The following ANO5 variants were observed in gnomAD, a reference collection of about 807,000 sequenced individuals.
The protein encoded by ANO5 is anoctamin 5, also known as anoctamin-5.
Under a neutral mutation model 121.0 loss-of-function variants are expected in ANO5, and 109 were observed. The ratio of observed to expected loss-of-function variants is 0.90; its 90% CI spans 0.77 to 1.06. ANO5 has a LOEUF of 1.06. Among genes scored for constraint, ANO5 ranks in the 50% least tolerant of loss-of-function variants. ANO5 has a pLI of 0.00. For missense variants in ANO5, 1,064 were observed against 1,078.5 expected (o/e 0.99, Z 0.19); for synonymous variants, 406 against 359.9 (o/e 1.13, Z -1.45).
At chr11:22,266,847 A>G (rs1485597654) in intron 17 of ANO5, among the ~76,000 whole-genome samples, 2 of 151,934 alleles carry the variant, frequency 1.3e-5, no homozygotes, top group Non-Finnish European at 2.9e-5. Context: ...GCATCCTTGG[A>G]CTCTATCCAC....
chr11:22,197,629 G>A (rs1054589464), intron 1 of ANO5, among the ~76,000 whole-genome samples: 1 of 152,156 alleles, frequency 6.6e-6, no homozygotes, highest in Non-Finnish European at 1.5e-5. Context: ...ATTTTATACT[G>A]CTAGTAAGAG....
At chr11:22,255,289 C>T in intron 12 of ANO5, 82 bp from the exon 13 acceptor site, 1 of 1,156,554 alleles carries the variant, frequency 8.6e-7, no homozygotes, top group Non-Finnish European at 1.2e-6. Context: ...AACCATCCTG[C>T]AACCAAAGTA....
chr11:22,271,228 G>GT (rs1854601089), intron 18 of ANO5, among the ~76,000 whole-genome samples: 1 of 152,102 alleles, frequency 6.6e-6, no homozygotes, highest in Non-Finnish European at 1.5e-5. Flanking sequence ...GCTAATTTTT[G>GT]TATTTTTAGT....
At chr11:22,219,509 A>G (rs1320591065) in intron 4 of ANO5, among the ~76,000 whole-genome samples, 1 of 151,890 alleles carries the variant, frequency 6.6e-6, no homozygotes, top group African/African-American at 2.4e-5. Context: ...AAACCCCTCT[A>G]TCATACAAAA....
chr11:22,192,759 G>A (rs1590201510), upstream of ANO5, among the ~76,000 whole-genome samples: 1 of 152,200 alleles, frequency 6.6e-6, no homozygotes, highest in South Asian at 2.1e-4. Flanking sequence ...CAGGATTCCT[G>A]GTCGTGGGTG....
intron 18 of ANO5, among the ~76,000 whole-genome samples, chr11:22,271,738 T>C (rs1854619482): frequency 6.6e-6 from 1 of 152,204 alleles, no homozygotes; most frequent in Non-Finnish European, 1.5e-5. Flanking sequence ...ATTCTACACA[T>C]TTTATTGTTG....
In ANO5 at chr11:22,281,518, CT is replaced by C. The variant is rs2133817461; in HGVS notation, c.*1755del. On this transcript the variant is annotated 3_prime_UTR_variant, in exon 22 of 22. Coordinates refer to ENST00000324559, the MANE Select transcript of ANO5 (RefSeq NM_213599.3). ...TATGTAGAGAAGATAATATTTCTTT[CT>C]TGAAAAAACAAGTCAGGCTTACCAT... 2.0e-5 allele frequency: 2 copies of C among 100,664 alleles called. No individual in the cohort carries two copies. The highest frequency in any genetic ancestry group is 6.5e-4 in the South Asian group (2 of 3,058). 6.2% of individuals were successfully genotyped at this position (100,664 alleles called of 1,614,324 possible). A position where few individuals can be genotyped will look rare whatever the true frequency, so the allele number is the denominator to read the frequency against.
intron 7 of ANO5, among the ~76,000 whole-genome samples, chr11:22,233,542 T>G (rs1010584906): frequency 6.6e-6 from 1 of 152,198 alleles, no homozygotes; most frequent in South Asian, 2.1e-4. Context: ...GCAGTCTTAC[T>G]TGCATTATTA....
chr11:22,221,195 C>T lies in ANO5; in HGVS notation c.279C>T (p.Asp93=), dbSNP rs148516756. ...CCTACGTTGATGATGTAAAGAAAGA[C>T]GCAGAGTTAAAGGCGGTAAGTGCAT... ...VLSYVDDVKK[D]AELKAERRKE... The change falls in exon 5 of 22, where the codon GAC becomes GAT. Residue 93 remains aspartate, a synonymous_variant. Transcript: ENST00000324559. 155 of 1,608,672 alleles carry T rather than the reference C, an allele frequency of 9.6e-5. No homozygotes were observed. The highest frequency in any genetic ancestry group is 7.7e-4 in the Admixed American group (46 of 59,734).
chr11:22,216,805 T>C (rs1852460742), intron 3 of ANO5, among the ~76,000 whole-genome samples: 1 of 151,618 alleles, frequency 6.6e-6, no homozygotes. Flanking sequence ...TTCAGTTTTA[T>C]AGTTTTAGTT....
chr11:22,273,540 T>C (rs918345036), intron 19 of ANO5, among the ~76,000 whole-genome samples: 1 of 152,126 alleles, frequency 6.6e-6, no homozygotes, highest in Non-Finnish European at 1.5e-5. Context: ...CCTGTAGGAA[T>C]GAGCCAAAAC....
At chr11:22,270,552 ACTGGTTG>A in intron 18 of ANO5, 110 bp downstream of exon 18, 1 of 1,505,992 alleles carries the variant, frequency 6.6e-7, no homozygotes, top group African/African-American at 1.4e-5. Flanking sequence ...TAAATCTTTG[ACTGGTTG>A]GCAAAAAAGA....
At chr11:22,208,594 T>C (rs1422407370) in intron 2 of ANO5, among the ~76,000 whole-genome samples, 1 of 151,972 alleles carries the variant, frequency 6.6e-6, no homozygotes, top group Non-Finnish European at 1.5e-5. Context: ...AATAGCTCTA[T>C]ACCTTGACAG....
At chr11:22,230,709 G>A (rs1853011828) in intron 7 of ANO5, among the ~76,000 whole-genome samples, 1 of 151,936 alleles carries the variant, frequency 6.6e-6, no homozygotes, top group Non-Finnish European at 1.5e-5. Context: ...AGACAAAAGT[G>A]ATGCAAACCG....
At chr11:22,197,859 A>G (rs1367230050) in intron 1 of ANO5, among the ~76,000 whole-genome samples, 2 of 152,302 alleles carry the variant, frequency 1.3e-5, no homozygotes, top group East Asian at 3.9e-4. Flanking sequence ...AGTGCTATCC[A>G]TTCATTTTAG....
chr11:22,210,681 G>C, intron 2 of ANO5, among the ~76,000 whole-genome samples: 1 of 151,850 alleles, frequency 6.6e-6, no homozygotes, highest in East Asian at 1.9e-4. Context: ...ACAGAGGGAG[G>C]CATCCCTATT....
intron 1 of ANO5, among the ~76,000 whole-genome samples, chr11:22,197,704 G>A (rs1011973873): frequency 1.3e-5 from 2 of 152,200 alleles, no homozygotes; most frequent in Non-Finnish European, 2.9e-5. Flanking sequence ...TTGCTGGAGT[G>A]TGTATTCTTA....
chr11:22,244,445 A>C (rs1452403940), intron 9 of ANO5, among the ~76,000 whole-genome samples: 1 of 151,866 alleles, frequency 6.6e-6, no homozygotes, highest in African/African-American at 2.4e-5. Flanking sequence ...ATTTCTGGTG[A>C]GATTGGGGAC....
chr11:22,215,275 T>A (rs1852403653), intron 3 of ANO5, among the ~76,000 whole-genome samples: 1 of 151,898 alleles, frequency 6.6e-6, no homozygotes, highest in South Asian at 2.1e-4. Flanking sequence ...CACAAACCAA[T>A]CAGAAGGAGT....
Sources: gnomAD v4.1 joint callset for allele counts (sites outside exome capture counted in the v4.1 genomes callset) on GRCh38, gnomAD v4.1.1 for gene constraint, MANE v1.5 for transcripts, NCBI Gene and HGNC (gene_info 2026-07-23, HGNC 2026-07-21) for gene names.